CDYL: variants seen among roughly 807,000 people sequenced by gnomAD.
The protein encoded by CDYL is chromodomain Y like.
A neutral mutation model predicts 47.3 loss-of-function variants in CDYL; 8 were observed. The observed-to-expected ratio is 0.17, with a 90% CI of 0.10 to 0.31. The LOEUF is 0.31. CDYL is among the 10% of genes least tolerant of loss of function. The pLI is 1.00. For synonymous variants in CDYL, 266 were observed against 265.0 expected (o/e 1.00, Z -0.04); for missense variants, 471 against 701.4 (o/e 0.67, Z 3.71).
At chr6:4,944,787 T>C (rs902255193) in intron 5 of CDYL, among the ~76,000 whole-genome samples, 2 of 152,196 alleles carry the variant, frequency 1.3e-5, no homozygotes, top group African/African-American at 2.4e-5. Context: ...GATCCTCTCA[T>C]TATTTGCAGT....
chr6:4,761,663 A>G (rs1188520569), intron 3 of CDYL, among the ~76,000 whole-genome samples: 1 of 152,228 alleles, frequency 6.6e-6, no homozygotes, highest in Non-Finnish European at 1.5e-5. Flanking sequence ...GAATTGTTAA[A>G]GGTGACTACT....
intron 2 of CDYL, among the ~76,000 whole-genome samples, chr6:4,928,242 A>AC (rs1337754183): frequency 1.3e-5 from 2 of 152,096 alleles, no homozygotes; most frequent in East Asian, 3.9e-4. Context: ...GTGGCATCCC[A>AC]CCACACCTTT....
chr6:4,860,103 G>A (rs892485350), intron 1 of CDYL, among the ~76,000 whole-genome samples: 12 of 151,850 alleles, frequency 7.9e-5, no homozygotes, highest in Non-Finnish European at 1.0e-4. Context: ...GGGTTTCACC[G>A]TGTTAGCCAG....
intron 1 of CDYL, among the ~76,000 whole-genome samples, chr6:4,847,287 C>T (rs1374214635): frequency 4.6e-5 from 7 of 152,220 alleles, no homozygotes; most frequent in Non-Finnish European, 1.0e-4. Context: ...CCGCCCCCAT[C>T]CGTCCCTGTC....
chr6:4,724,176 G>C (rs1029353935), intron 2 of CDYL, among the ~76,000 whole-genome samples: 1 of 151,990 alleles, frequency 6.6e-6, no homozygotes, highest in African/African-American at 2.4e-5. Flanking sequence ...AAGTAGCTGG[G>C]ACCACAGGCA....
rs1210203534 is a variant in CDYL at position 4,952,291 on chromosome 6, G to A, written c.1358G>A (p.Arg453Gln). The change falls in exon 6 of 7, where the codon CGG becomes CAG. Residue 453 changes from arginine (R) to glutamine (Q), a missense_variant. Arg to Gln is a conservative substitution (Grantham distance 43, BLOSUM62 1). This residue lies in a region of CDYL where 103 missense variants were observed against 277.1 expected (regional missense o/e 0.37). Transcript: ENST00000397588. ...GCAAACGAGATGCTGCTCAGTGGACGGAAGCTGACAGCGCAGGAGGCGTGT... is the reference window on the plus strand; with the variant it reads ...GCAAACGAGATGCTGCTCAGTGGACAGAAGCTGACAGCGCAGGAGGCGTGT... ...ASANEMLLSGRKLTAQEACGK... is the reference protein window; with the variant it reads ...ASANEMLLSGQKLTAQEACGK... 2 of 1,613,994 alleles carry A rather than the reference G, an allele frequency of 1.2e-6. No homozygotes were observed. The highest frequency in any genetic ancestry group is 1.7e-6 in the Non-Finnish European group (2 of 1,179,958).
At chr6:4,815,993 A>G (rs1432175443) in intron 1 of CDYL, among the ~76,000 whole-genome samples, 1 of 119,060 alleles carries the variant, frequency 8.4e-6, no homozygotes, top group Non-Finnish European at 1.8e-5. Context: ...TTTTGACGTT[A>G]TCCTATTGGA....
At chr6:4,815,507 T>TA (rs1226819610) in intron 1 of CDYL, among the ~76,000 whole-genome samples, 5 of 152,132 alleles carry the variant, frequency 3.3e-5, no homozygotes, top group African/African-American at 7.2e-5. Context: ...AACACACATT[T>TA]AAAAAATCTG....
chr6:4,815,366 A>G (rs7744408), intron 1 of CDYL, among the ~76,000 whole-genome samples: 4,139 of 152,332 alleles, frequency 0.027, 197 homozygotes, highest in African/African-American at 0.094. Flanking sequence ...GTCAGTTACC[A>G]CATATCAACC....
intron 2 of CDYL, among the ~76,000 whole-genome samples, chr6:4,913,785 G>A (rs1581259681): frequency 6.6e-6 from 1 of 152,328 alleles, no homozygotes; most frequent in East Asian, 1.9e-4. Flanking sequence ...CACTATTGTA[G>A]CCTGAAAGCA....
intron 1 of CDYL, among the ~76,000 whole-genome samples, chr6:4,882,941 G>C (rs996920953): frequency 4.6e-5 from 7 of 152,056 alleles, no homozygotes; most frequent in African/African-American, 1.7e-4. Flanking sequence ...CACTGCTCTG[G>C]GAAATTCTCC....
chr6:4,777,934 TCTC>T (rs1428734037), intron 1 of CDYL, among the ~76,000 whole-genome samples: 1 of 152,192 alleles, frequency 6.6e-6, no homozygotes, highest in Non-Finnish European at 1.5e-5. Flanking sequence ...GGTTGTTGCT[TCTC>T]CTTACATTGT....
At chr6:4,775,726 C>G (rs1481800696), upstream of CDYL, among the ~76,000 whole-genome samples, 7 of 148,102 alleles carry the variant, frequency 4.7e-5, no homozygotes, top group Middle Eastern at 0.01. This position sits in a 1 kb window ranked among gnomAD's most constrained non-coding sequence, Gnocchi z 7.0. Context: ...GGCCACCCCG[C>G]GGGGCGCGCG....
At chr6:4,810,106 G>C (rs758426577) in intron 1 of CDYL, among the ~76,000 whole-genome samples, 2 of 152,066 alleles carry the variant, frequency 1.3e-5, no homozygotes, top group Non-Finnish European at 2.9e-5. Flanking sequence ...TTTTGACTTT[G>C]ATCTTGGTGT....
In CDYL at chr6:4,894,881, ATG is replaced by A. The variant is rs145900935; in HGVS notation, c.691+2510_691+2511del. On this transcript the variant is annotated intron_variant, in intron 2 of 6. Transcript: ENST00000397588. ...TATATGTGTATATACACACATGTGT[ATG>A]TGTGTGTATATATACACACGTACGT... Among the ~76,000 whole-genome samples the A allele has an allele frequency of 4.3e-3, 603 of 140,162 alleles. 8 individuals carry two copies. Among genetic ancestry groups the A allele is most frequent in the African/African-American group, 0.014 (464 of 32,738 alleles). 92.0% of individuals were successfully genotyped at this position (140,162 alleles called of 152,430 possible). A position where few individuals can be genotyped will look rare whatever the true frequency, so the allele number is the denominator to read the frequency against.
At chr6:4,790,523 C>T (rs1336654700) in intron 1 of CDYL, among the ~76,000 whole-genome samples, 1 of 152,166 alleles carries the variant, frequency 6.6e-6, no homozygotes, top group African/African-American at 2.4e-5. Context: ...CATTTGAGTT[C>T]CTCATCTGCC....
chr6:4,713,463 A>G (rs1019077984), intron 1 of CDYL, among the ~76,000 whole-genome samples: 10 of 152,330 alleles, frequency 6.6e-5, no homozygotes, highest in African/African-American at 1.9e-4. Context: ...GTCAAATTCC[A>G]TGGAGGTGAC....
chr6:4,927,581 A>G (rs1474769859), intron 2 of CDYL, among the ~76,000 whole-genome samples: 3 of 151,900 alleles, frequency 2.0e-5, no homozygotes, highest in African/African-American at 7.3e-5. Context: ...ACACCCGACT[A>G]ATTTTTGCAT....
At chr6:4,791,883 A>AT (rs35580568) in intron 1 of CDYL, among the ~76,000 whole-genome samples, 4,252 of 139,910 alleles carry the variant, frequency 0.03, 65 homozygotes, top group African/African-American at 0.039. Flanking sequence ...GAATTGTAGA[A>AT]TTTTTTTTTT....
Sources: allele counts gnomAD v4.1 joint callset (sites outside exome capture counted in the v4.1 genomes callset), GRCh38; gene constraint gnomAD v4.1.1; regional missense constraint gnomAD v4.1.1; non-coding constraint Gnocchi (gnomAD v3.1); transcripts MANE v1.5; gene names NCBI Gene and HGNC (gene_info 2026-07-23, HGNC 2026-07-21).